The following SHISA9 variants were observed in gnomAD, a reference collection of about 807,000 sequenced individuals.
The protein encoded by SHISA9 is shisa family member 9.
Under a neutral mutation model 38.0 loss-of-function variants are expected in SHISA9, and 13 were observed. The ratio of observed to expected loss-of-function variants is 0.34; its 90% confidence interval spans 0.22 to 0.54. SHISA9 has a LOEUF of 0.54. SHISA9 is among the 20% of genes least tolerant of loss of function. SHISA9 has a pLI of 0.91. For synonymous variants in SHISA9, 275 were observed against 242.0 expected, an observed-to-expected ratio of 1.14 and a Z score of -1.27; for missense variants, 538 against 575.8, an observed-to-expected ratio of 0.93 and a Z score of 0.67.
At chr16:13,009,250 G>C (rs1029554403) in intron 2 of SHISA9, among the ~76,000 whole-genome samples, 8 of 152,176 alleles carry the variant, frequency 5.3e-5, no homozygotes, top group Non-Finnish European at 1.2e-4. Context: ...GTCGACTCCA[G>C]GCAGTCTGGC....
chr16:13,546,878 C>A, the SHISA9 span, among the ~76,000 whole-genome samples: 1 of 152,190 alleles, frequency 6.6e-6, no homozygotes, highest in Non-Finnish European at 1.5e-5. Flanking sequence ...GAAGAATTTG[C>A]TGACCCCTGT....
At chr16:13,389,800 C>G in the SHISA9 span, among the ~76,000 whole-genome samples, 1 of 152,256 alleles carries the variant, frequency 6.6e-6, no homozygotes, top group Middle Eastern at 3.4e-3. Flanking sequence ...GTGGAGGCTG[C>G]GATTGTCCTG....
intron 2 of SHISA9, among the ~76,000 whole-genome samples, chr16:12,998,935 G>A (rs1029975573): frequency 6.6e-6 from 1 of 152,132 alleles, no homozygotes; most frequent in African/African-American, 2.4e-5. Context: ...ATTGCTCTTA[G>A]AGGAAATACA....
At chr16:12,956,769 G>T (rs1314019608) in intron 2 of SHISA9, among the ~76,000 whole-genome samples, 1 of 151,962 alleles carries the variant, frequency 6.6e-6, no homozygotes, top group Non-Finnish European at 1.5e-5. Context: ...TTACCTATTG[G>T]GTAAAGTGTG....
At chr16:13,368,738 CAA>C in the SHISA9 span, among the ~76,000 whole-genome samples, 266 of 141,768 alleles carry the variant, frequency 1.9e-3, 3 homozygotes, top group African/African-American at 5.4e-3. Flanking sequence ...AAGATATGTG[CAA>C]AAAAAAAAAA....
chr16:12,970,741 C>G (rs1297574126), intron 2 of SHISA9, among the ~76,000 whole-genome samples: 2 of 151,162 alleles, frequency 1.3e-5, no homozygotes, highest in Non-Finnish European at 1.5e-5. Flanking sequence ...CCAGGCTGGT[C>G]TCAAACTCCT....
At chr16:12,937,126 A>C (rs971479053) in intron 2 of SHISA9, among the ~76,000 whole-genome samples, 9 of 152,246 alleles carry the variant, frequency 5.9e-5, no homozygotes, top group African/African-American at 1.9e-4. Context: ...ATTGAGTTTT[A>C]GATGATTTGT....
chr16:13,479,432 G>A, the SHISA9 span, among the ~76,000 whole-genome samples: 1 of 152,122 alleles, frequency 6.6e-6, no homozygotes, highest in African/African-American at 2.4e-5. Context: ...AGGGGCCCCA[G>A]AATTTGTTGC....
intron 2 of SHISA9, among the ~76,000 whole-genome samples, chr16:13,174,941 T>A (rs372367775): frequency 2.6e-5 from 4 of 152,178 alleles, no homozygotes; most frequent in East Asian, 1.9e-4. Flanking sequence ...ATGAGAGAAA[T>A]TTATGACTGG....
intron 3 of SHISA9, among the ~76,000 whole-genome samples, chr16:13,205,113 G>A (rs2051051544): frequency 6.6e-6 from 1 of 152,126 alleles, no homozygotes; most frequent in Admixed American, 6.5e-5. Context: ...CTGGAGAGCA[G>A]GTAAAATATA....
chr16:13,499,373 G>C, the SHISA9 span, among the ~76,000 whole-genome samples: 1 of 152,116 alleles, frequency 6.6e-6, no homozygotes, highest in East Asian at 1.9e-4. Context: ...TTCTAAAAGC[G>C]GTGCTCTGTA....
the SHISA9 span, among the ~76,000 whole-genome samples, chr16:13,394,533 A>C: frequency 1.3e-5 from 2 of 151,968 alleles, no homozygotes; most frequent in African/African-American, 4.8e-5. Context: ...CCAATAACAC[A>C]TTCTCTTCCT....
At chr16:13,065,155 G>A (rs1299136704) in intron 2 of SHISA9, among the ~76,000 whole-genome samples, 1 of 152,140 alleles carries the variant, frequency 6.6e-6, no homozygotes, top group African/African-American at 2.4e-5. Flanking sequence ...TGTCTGCCTG[G>A]TATGTCACTC....
chr16:13,290,764 A>G, the SHISA9 span, among the ~76,000 whole-genome samples: 1 of 152,134 alleles, frequency 6.6e-6, no homozygotes, highest in African/African-American at 2.4e-5. Flanking sequence ...GAGTCACACA[A>G]TCAGAGACTC....
chr16:13,367,748 A>ACACACACC, the SHISA9 span, among the ~76,000 whole-genome samples: 13 of 143,686 alleles, frequency 9.0e-5, no homozygotes, highest in African/African-American at 2.4e-4. Context: ...ACACACACAC[A>ACACACACC]CCCCTGAATT....
chr16:13,241,878 G>A (rs115775297), downstream of SHISA9, among the ~76,000 whole-genome samples: 2,274 of 152,250 alleles, frequency 0.015, 21 homozygotes, highest in Non-Finnish European at 0.02. Flanking sequence ...TTCAGCACTT[G>A]GAAACTTGGT....
At chr16:13,459,968 C>A in the SHISA9 span, among the ~76,000 whole-genome samples, 1 of 152,140 alleles carries the variant, frequency 6.6e-6, no homozygotes, top group East Asian at 1.9e-4. Flanking sequence ...AGTGCAGTGG[C>A]ATGATCTCTG....
the SHISA9 span, among the ~76,000 whole-genome samples, chr16:13,558,483 G>A: frequency 6.6e-6 from 1 of 152,132 alleles, no homozygotes; most frequent in Non-Finnish European, 1.5e-5. Context: ...GCAAGCCTCT[G>A]ACCACAACAT....
At chr16:13,559,665 G>A in the SHISA9 span, among the ~76,000 whole-genome samples, 1 of 152,190 alleles carries the variant, frequency 6.6e-6, no homozygotes, top group Non-Finnish European at 1.5e-5. Context: ...TTGCAGGCAT[G>A]AGCCACCACA....
Sources: allele counts gnomAD v4.1 joint callset (sites outside exome capture counted in the v4.1 genomes callset), GRCh38; gene constraint gnomAD v4.1.1; transcripts MANE v1.5; gene names NCBI Gene and HGNC (gene_info 2026-07-23, HGNC 2026-07-21).